Variants in SLC36A1 observed in about 807,000 individuals in gnomAD.
The protein encoded by SLC36A1 is solute carrier family 36 member 1.
SLC36A1 carries 30 observed loss-of-function variants against 47.5 expected under a neutral mutation model. The observed-to-expected ratio is 0.63, with a 90% CI of 0.47 to 0.86. SLC36A1 has a LOEUF of 0.86. SLC36A1 is among the 40% of genes least tolerant of loss of function. The pLI, the probability that SLC36A1 is intolerant of heterozygous loss-of-function variation, is 0.00. For missense variants in SLC36A1, 517 were observed against 606.0 expected (o/e 0.85, Z 1.54); for synonymous variants, 255 against 249.7 (o/e 1.02, Z -0.20).
chr5:151,399,616 A>T, the SLC36A1 span, among the ~76,000 whole-genome samples: 1 of 152,304 alleles, frequency 6.6e-6, no homozygotes, highest in African/African-American at 2.4e-5. Flanking sequence ...AAATATGCTG[A>T]TGAGGCCATA....
chr5:151,356,359 A>AAAAAAAAAAAAAAAAAAAAAAAAAAAC, the SLC36A1 span, among the ~76,000 whole-genome samples: 1 of 149,598 alleles, frequency 6.7e-6, no homozygotes, highest in Admixed American at 6.6e-5. Flanking sequence ...AAAAAAAAAA[A>AAAAAAAAAAAAAAAAAAAAAAAAAAAC]AGAATACACG....
chr5:151,516,752 A>G, the SLC36A1 span, among the ~76,000 whole-genome samples: 1 of 152,188 alleles, frequency 6.6e-6, no homozygotes, highest in Non-Finnish European at 1.5e-5. Context: ...TAGATGCTCA[A>G]TAAATCTGTT....
the SLC36A1 span, among the ~76,000 whole-genome samples, chr5:151,515,906 A>G: frequency 6.6e-6 from 1 of 152,228 alleles, no homozygotes; most frequent in African/African-American, 2.4e-5. Flanking sequence ...CATTTTGCTC[A>G]GAATAAAAGC....
intron 5 of SLC36A1, 148 bp downstream of exon 5, chr5:151,465,317 A>C (rs1027190534): frequency 7.2e-6 from 5 of 690,382 alleles, no homozygotes; most frequent in Non-Finnish European, 1.3e-5. Flanking sequence ...TGCTGGTAGT[A>C]AGCTGTGTGA....
the SLC36A1 span, among the ~76,000 whole-genome samples, chr5:151,386,069 G>T: frequency 6.6e-6 from 1 of 151,802 alleles, no homozygotes; most frequent in Non-Finnish European, 1.5e-5. Context: ...AGTAGAGATG[G>T]GGGTTTCACT....
At chr5:151,498,450 A>G in the SLC36A1 span, among the ~76,000 whole-genome samples, 2 of 152,212 alleles carry the variant, frequency 1.3e-5, no homozygotes, top group Non-Finnish European at 2.9e-5. Flanking sequence ...TACTGGTAAT[A>G]TCCCCACTTT....
chr5:151,469,641 G>C (rs1272859682), intron 7 of SLC36A1, among the ~76,000 whole-genome samples: 1 of 151,936 alleles, frequency 6.6e-6, no homozygotes, highest in African/African-American at 2.4e-5. Context: ...TTGAATTTTT[G>C]TTATGTTACC....
the SLC36A1 span, among the ~76,000 whole-genome samples, chr5:151,402,973 C>T: frequency 6.6e-6 from 1 of 152,022 alleles, no homozygotes; most frequent in Non-Finnish European, 1.5e-5. Flanking sequence ...CTTCATTGAT[C>T]CTTTGTATGG....
the SLC36A1 span, among the ~76,000 whole-genome samples, chr5:151,421,344 A>G: frequency 1.1e-4 from 16 of 145,722 alleles, no homozygotes; most frequent in Non-Finnish European, 2.1e-4. Flanking sequence ...TGAGCTCAAG[A>G]AATCCCCTCA....
chr5:151,495,368 G>A (rs146310841), downstream of SLC36A1, among the ~76,000 whole-genome samples: 132 of 152,276 alleles, frequency 8.7e-4, no homozygotes, highest in Middle Eastern at 3.4e-3. Context: ...ATTACAGGAA[G>A]ACTCAAAGGC....
intron 1 of SLC36A1, among the ~76,000 whole-genome samples, chr5:151,442,302 T>G (rs190904807): frequency 6.4e-4 from 97 of 152,328 alleles, no homozygotes; most frequent in African/African-American, 2.3e-3. Context: ...GTTTCTTTTT[T>G]TGTGGCAAGA....
At chr5:151,463,484 A>G (rs112319476) in intron 2 of SLC36A1, 69 bp from the exon 3 acceptor site, 13 of 1,086,630 alleles carry the variant, frequency 1.2e-5, no homozygotes, top group African/African-American at 6.2e-5. Context: ...GATAATGCAT[A>G]TAAGCACTGA....
At chr5:151,483,208 A>G (rs996220909) in intron 10 of SLC36A1, among the ~76,000 whole-genome samples, 14 of 152,202 alleles carry the variant, frequency 9.2e-5, no homozygotes, top group Admixed American at 4.6e-4. Context: ...CTTGTTGTGT[A>G]TAAGTCAGCT....
At chr5:151,510,273 CCATTT>C in the SLC36A1 span, 1 of 1,372,428 alleles carries the variant, frequency 7.3e-7, no homozygotes, top group South Asian at 1.3e-5. Context: ...CGTTCAGTTA[CCATTT>C]ATTTATTTGG....
At chr5:151,470,872 G>C (rs1220069904) in intron 7 of SLC36A1, 1 of 152,198 alleles carries the variant, frequency 6.6e-6, no homozygotes, top group African/African-American at 2.4e-5. Context: ...GTTCCTCTCT[G>C]TCTTCAGCAT....
At chr5:151,517,309 C>T in the SLC36A1 span, among the ~76,000 whole-genome samples, 1 of 152,200 alleles carries the variant, frequency 6.6e-6, no homozygotes, top group African/African-American at 2.4e-5. Context: ...CTGGGAAACA[C>T]TGGCCTATTA....
the SLC36A1 span, chr5:151,382,447 A>G: frequency 7.0e-6 from 4 of 575,042 alleles, no homozygotes; most frequent in Non-Finnish European, 6.2e-6. Flanking sequence ...TTAGTCTTCT[A>G]GCATAGAAGC....
the SLC36A1 span, chr5:151,380,642 A>G: frequency 3.6e-6 from 2 of 553,026 alleles, no homozygotes; most frequent in Non-Finnish European, 7.3e-6. Context: ...GTAGTGGCTC[A>G]CATCGTCAAC....
chr5:151,450,654 C>T (rs1380884091), intron 1 of SLC36A1, among the ~76,000 whole-genome samples: 1 of 152,230 alleles, frequency 6.6e-6, no homozygotes, highest in Non-Finnish European at 1.5e-5. Flanking sequence ...ATAACCTTGT[C>T]TCAGGTAACT....
Sources: gnomAD v4.1 joint callset for allele counts (sites outside exome capture counted in the v4.1 genomes callset) on GRCh38, gnomAD v4.1.1 for gene constraint, MANE v1.5 for transcripts, NCBI Gene and HGNC (gene_info 2026-07-23, HGNC 2026-07-21) for gene names.